The following CDKL4 variants were observed in gnomAD, a reference collection of about 807,000 sequenced individuals.
CDKL4 encodes cyclin dependent kinase like 4, also known as cyclin-dependent kinase-like 4.
Under a neutral mutation model 42.0 loss-of-function variants are expected in CDKL4, and 44 were observed. The ratio of observed to expected loss-of-function variants is 1.05; its 90% CI spans 0.82 to 1.35. The LOEUF is 1.35. Among genes scored for constraint, CDKL4 ranks in the 40% most tolerant of loss-of-function variants. The pLI is 0.00. For missense variants in CDKL4, 393 were observed against 369.9 expected (o/e 1.06, Z -0.51); for synonymous variants, 120 against 121.6 (o/e 0.99, Z 0.09).
At chr2:39,177,867 T>G (rs1023300594) in intron 9 of CDKL4, among the ~76,000 whole-genome samples, 10 of 151,840 alleles carry the variant, frequency 6.6e-5, no homozygotes, top group African/African-American at 2.4e-4. Context: ...TTTTGTATTT[T>G]TAGAAGAGAT....
At chr2:39,224,387 C>A (rs1678561981) in intron 3 of CDKL4, among the ~76,000 whole-genome samples, 2 of 151,938 alleles carry the variant, frequency 1.3e-5, no homozygotes, top group Non-Finnish European at 2.9e-5. Context: ...TAAATAAAAT[C>A]CTTACATATC....
chr2:39,193,642 T>C (rs1676332897), intron 5 of CDKL4, among the ~76,000 whole-genome samples: 1 of 152,176 alleles, frequency 6.6e-6, no homozygotes. Flanking sequence ...CCCAAAGTGC[T>C]GGGATTATAG....
intron 7 of CDKL4, among the ~76,000 whole-genome samples, chr2:39,185,859 G>T (rs1675802612): frequency 6.6e-6 from 1 of 152,142 alleles, no homozygotes; most frequent in Non-Finnish European, 1.5e-5. Flanking sequence ...ATTTCACAAT[G>T]TCTTGCAGTT....
chr2:39,208,541 C>T (rs1399905974), intron 4 of CDKL4, among the ~76,000 whole-genome samples: 1 of 151,976 alleles, frequency 6.6e-6, no homozygotes, highest in Non-Finnish European at 1.5e-5. Flanking sequence ...TGGGGTTTCG[C>T]CATGTTGGCC....
intron 5 of CDKL4, among the ~76,000 whole-genome samples, chr2:39,197,402 A>G (rs968472991): frequency 6.6e-6 from 1 of 152,172 alleles, no homozygotes; most frequent in Non-Finnish European, 1.5e-5. Flanking sequence ...TTTGGAAAAC[A>G]TATTTGAGGG....
intron 4 of CDKL4, among the ~76,000 whole-genome samples, chr2:39,210,474 CTGAT>C (rs1009993676): frequency 6.6e-5 from 10 of 152,160 alleles, no homozygotes; most frequent in Non-Finnish European, 1.0e-4. Flanking sequence ...GGTTGACTGA[CTGAT>C]TGACTCATCC....
intron 9 of CDKL4, chr2:39,178,539 C>T: frequency 6.5e-7 from 1 of 1,550,382 alleles, no homozygotes; most frequent in Non-Finnish European, 8.7e-7. Flanking sequence ...AACCTATTTC[C>T]ATGGAGTTTA....
chr2:39,192,410 A>G (rs751218616), intron 5 of CDKL4, among the ~76,000 whole-genome samples: 1 of 152,082 alleles, frequency 6.6e-6, no homozygotes, highest in Non-Finnish European at 1.5e-5. Context: ...CCCCAGGCTA[A>G]AATGCAGTGG....
At chr2:39,216,191 C>T (rs1054044375) in intron 3 of CDKL4, among the ~76,000 whole-genome samples, 1 of 152,148 alleles carries the variant, frequency 6.6e-6, no homozygotes, top group African/African-American at 2.4e-5. Flanking sequence ...AGTAATCTAT[C>T]CCCTCAATGT....
chr2:39,184,557 T>G, intron 8 of CDKL4, 34 bp downstream of exon 8: 3 of 1,499,084 alleles, frequency 2.0e-6, no homozygotes, highest in Non-Finnish European at 2.8e-6. Flanking sequence ...TTACAATTTA[T>G]AGCTAATAAG....
chr2:39,193,105 G>T (rs1293109209), intron 5 of CDKL4, among the ~76,000 whole-genome samples: 1 of 146,456 alleles, frequency 6.8e-6, no homozygotes, highest in Non-Finnish European at 1.5e-5. Flanking sequence ...TCCAGCCTAG[G>T]CTACAGAGCG....
intron 1 of CDKL4, among the ~76,000 whole-genome samples, chr2:39,238,571 G>C (rs1176012199): frequency 1.3e-5 from 2 of 151,856 alleles, no homozygotes; most frequent in Non-Finnish European, 2.9e-5. Context: ...CTTTGAAAAA[G>C]AACAAATTTA....
At chr2:39,222,387 C>G (rs187047369) in intron 3 of CDKL4, among the ~76,000 whole-genome samples, 2 of 151,838 alleles carry the variant, frequency 1.3e-5, no homozygotes, top group African/African-American at 4.8e-5. Flanking sequence ...GTTAGGAGTT[C>G]GAGAGCAGCC....
downstream of CDKL4, among the ~76,000 whole-genome samples, chr2:39,170,752 G>C (rs1674978361): frequency 6.6e-6 from 1 of 151,844 alleles, no homozygotes; most frequent in African/African-American, 2.4e-5. Context: ...ACCACACCTG[G>C]TCCCCCAGTT....
At chr2:39,223,581 C>CTCTT in intron 3 of CDKL4, among the ~76,000 whole-genome samples, 1 of 83,482 alleles carries the variant, frequency 1.2e-5, no homozygotes, top group East Asian at 3.2e-4. Flanking sequence ...ATTTCCTTCT[C>CTCTT]TTTTTTTTTT....
Position 39,177,403 on chromosome 2 carries a change from G to GTT in CDKL4, c.928-1309_928-1308dup, listed in dbSNP as rs538241800. Among the ~76,000 whole-genome samples, 616 of 136,502 alleles carry GTT rather than the reference G, an allele frequency of 4.5e-3. 7 individuals carry two copies. The highest frequency in any genetic ancestry group is 0.015 in the African/African-American group (559 of 37,342). The allele number at this position is 136,502 out of a possible 152,430, so 89.6% of individuals were successfully genotyped here. On this transcript the variant is annotated intron_variant, in intron 9 of 9. Transcript: ENST00000451199. Reference sequence around the variant, plus strand: ...GCCAGTGTTGGGGGGAATCCAGTGAGTTTTTTTTTTTTTTTTTTGAGATGG... The same window carrying GTT: ...GCCAGTGTTGGGGGGAATCCAGTGAGTTTTTTTTTTTTTTTTTTTTGAGATGG...
chr2:39,200,175 A>G (rs989376535), intron 5 of CDKL4, among the ~76,000 whole-genome samples: 4 of 152,176 alleles, frequency 2.6e-5, no homozygotes, highest in African/African-American at 9.6e-5. Context: ...ATAAATCAGT[A>G]GCCCCGCTAT....
At chr2:39,238,371 T>C (rs997085085) in intron 1 of CDKL4, among the ~76,000 whole-genome samples, 1 of 152,186 alleles carries the variant, frequency 6.6e-6, no homozygotes, top group Non-Finnish European at 1.5e-5. Context: ...AGTTTGAGGC[T>C]ACATTGAGTT....
intron 3 of CDKL4, among the ~76,000 whole-genome samples, chr2:39,220,517 G>C (rs1212798024): frequency 6.6e-6 from 1 of 152,182 alleles, no homozygotes; most frequent in Non-Finnish European, 1.5e-5. Context: ...TGTTGGACCA[G>C]AGGGGAAGAA....
Sources: gnomAD v4.1 joint callset for allele counts (sites outside exome capture counted in the v4.1 genomes callset) on GRCh38, gnomAD v4.1.1 for gene constraint, MANE v1.5 for transcripts, NCBI Gene and HGNC (gene_info 2026-07-23, HGNC 2026-07-21) for gene names.